THSD7B: variants seen among roughly 807,000 people sequenced by gnomAD.
THSD7B encodes the protein thrombospondin type 1 domain containing 7B.
In THSD7B, 138 loss-of-function variants were observed where a neutral mutation model predicts 213.6. The ratio of observed to expected loss-of-function variants is 0.65; its 90% CI spans 0.56 to 0.74. The LOEUF is 0.74. Among genes scored for constraint, THSD7B ranks in the 30% least tolerant of loss-of-function variants. The pLI, the probability that THSD7B is intolerant of heterozygous loss-of-function variation, is 0.00. For missense variants in THSD7B, 1,931 were observed against 1,991.5 expected (o/e 0.97, Z 0.58); for synonymous variants, 742 against 687.0 (o/e 1.08, Z -1.25).
At chr2:137,393,213 G>T (rs1214356446) in intron 12 of THSD7B, among the ~76,000 whole-genome samples, 1 of 148,670 alleles carries the variant, frequency 6.7e-6, no homozygotes, top group Non-Finnish European at 1.5e-5. Flanking sequence ...ACATTGTGCA[G>T]GTTAGTTACA....
intron 2 of THSD7B, among the ~76,000 whole-genome samples, chr2:136,933,853 C>T (rs1353615366): frequency 6.6e-6 from 1 of 152,122 alleles, no homozygotes; most frequent in Non-Finnish European, 1.5e-5. Flanking sequence ...CTAATGTATT[C>T]TACTGACCCA....
intron 15 of THSD7B, among the ~76,000 whole-genome samples, chr2:137,508,217 TTC>T (rs1679879567): frequency 6.6e-6 from 1 of 152,108 alleles, no homozygotes; most frequent in Admixed American, 6.5e-5. Context: ...TTTAAATTCT[TTC>T]TCTCTTTTTA....
chr2:137,412,621 C>CA (rs199913921), intron 14 of THSD7B, among the ~76,000 whole-genome samples: 54 of 103,810 alleles, frequency 5.2e-4, no homozygotes, highest in African/African-American at 1.7e-3. Flanking sequence ...CAAAAAAAAA[C>CA]AAAAAACAGT....
chr2:136,944,646 CT>C, intron 2 of THSD7B, among the ~76,000 whole-genome samples: 1 of 150,378 alleles, frequency 6.6e-6, no homozygotes, highest in Non-Finnish European at 1.5e-5. Flanking sequence ...TAATGGCCTT[CT>C]TTGTCTCTTT....
chr2:137,260,896 C>T (rs891581630), intron 10 of THSD7B, among the ~76,000 whole-genome samples: 6 of 152,144 alleles, frequency 3.9e-5, no homozygotes, highest in African/African-American at 9.6e-5. Flanking sequence ...TATGGTAATT[C>T]GGTCATTTTT....
intron 15 of THSD7B, among the ~76,000 whole-genome samples, chr2:137,557,762 C>A (rs1333583072): frequency 3.9e-5 from 6 of 152,036 alleles, no homozygotes; most frequent in African/African-American, 1.4e-4. Flanking sequence ...TTCAAAAAAA[C>A]AATGAATCCA....
At chr2:136,811,361 A>C (rs896804937) in intron 1 of THSD7B, among the ~76,000 whole-genome samples, 4 of 152,048 alleles carry the variant, frequency 2.6e-5, no homozygotes, top group Non-Finnish European at 4.4e-5. Context: ...GAGGTAAGTA[A>C]TTGTCATGTG....
At chr2:137,580,459 T>C (rs1247193356) in intron 17 of THSD7B, among the ~76,000 whole-genome samples, 1 of 152,218 alleles carries the variant, frequency 6.6e-6, no homozygotes, top group African/African-American at 2.4e-5. Context: ...AATTGGTTCA[T>C]AGTCTTAGGA....
intron 10 of THSD7B, among the ~76,000 whole-genome samples, chr2:137,265,060 G>A (rs890418516): frequency 6.6e-6 from 1 of 151,960 alleles, no homozygotes; most frequent in African/African-American, 2.4e-5. Context: ...TCCCACCTAT[G>A]AGTGAGAATA....
At chr2:137,312,934 G>A (rs1041358435) in intron 12 of THSD7B, among the ~76,000 whole-genome samples, 15 of 150,112 alleles carry the variant, frequency 1.0e-4, no homozygotes, top group Non-Finnish European at 1.8e-4. Flanking sequence ...CAAGTATGTG[G>A]TCAATTTTGG....
At chr2:137,475,172 C>T (rs1244354914) in intron 15 of THSD7B, among the ~76,000 whole-genome samples, 1 of 152,030 alleles carries the variant, frequency 6.6e-6, no homozygotes, top group Non-Finnish European at 1.5e-5. Context: ...TTTGACTTTT[C>T]AATTTTAAGG....
intron 5 of THSD7B, among the ~76,000 whole-genome samples, chr2:137,124,850 T>C (rs2104947087): frequency 6.6e-6 from 1 of 152,316 alleles, no homozygotes; most frequent in Non-Finnish European, 1.5e-5. Flanking sequence ...ATACTTACCA[T>C]CTTTTTTGTG....
At chr2:137,130,909 G>T (rs1688717651) in intron 5 of THSD7B, among the ~76,000 whole-genome samples, 1 of 151,194 alleles carries the variant, frequency 6.6e-6, no homozygotes, top group Non-Finnish European at 1.5e-5. Context: ...TGGGATGGCT[G>T]GGTCAAATGG....
chr2:137,282,884 G>T (rs1205772569), intron 12 of THSD7B, among the ~76,000 whole-genome samples: 2 of 152,162 alleles, frequency 1.3e-5, no homozygotes, highest in Non-Finnish European at 2.9e-5. Context: ...ACTTGGCAAT[G>T]TGGGCTCTTT....
chr2:137,459,669 G>GAA (rs879332868), intron 15 of THSD7B, among the ~76,000 whole-genome samples: 27 of 141,628 alleles, frequency 1.9e-4, no homozygotes, highest in African/African-American at 6.4e-4. Context: ...TGTCTTTAAA[G>GAA]AAAAAAAAAA....
intron 7 of THSD7B, among the ~76,000 whole-genome samples, chr2:137,223,278 G>A (rs950685778): frequency 6.6e-6 from 1 of 152,174 alleles, no homozygotes; most frequent in African/African-American, 2.4e-5. Flanking sequence ...GGCTGCAGGT[G>A]CGCTTTCAAG....
intron 10 of THSD7B, among the ~76,000 whole-genome samples, 190 bp from the exon 11 acceptor site, chr2:137,272,343 A>G (rs1430558396): frequency 2.0e-5 from 3 of 152,092 alleles, no homozygotes. Flanking sequence ...ATTATTAAGT[A>G]TTGTGTGTTT....
intron 2 of THSD7B, among the ~76,000 whole-genome samples, chr2:137,036,231 GA>G (rs796430812): frequency 2.6e-4 from 39 of 152,132 alleles, no homozygotes; most frequent in African/African-American, 9.2e-4. Context: ...TTCTTTCTTT[GA>G]AAGGTAATCT....
intron 1 of THSD7B, among the ~76,000 whole-genome samples, chr2:136,811,116 G>A (rs563356859): frequency 5.4e-4 from 82 of 152,292 alleles, no homozygotes; most frequent in Admixed American, 4.3e-3. Flanking sequence ...ATTAATCCAG[G>A]CTCTACACAG....
Sources: allele counts gnomAD v4.1 joint callset (sites outside exome capture counted in the v4.1 genomes callset), GRCh38; gene constraint gnomAD v4.1.1; transcripts MANE v1.5; gene names NCBI Gene and HGNC (gene_info 2026-07-23, HGNC 2026-07-21).